The following HEPACAM2 variants were observed in gnomAD, a reference collection of about 807,000 sequenced individuals.
HEPACAM2 encodes the protein HEPACAM family member 2.
A neutral mutation model predicts 49.6 loss-of-function variants in HEPACAM2; 49 were observed. The observed-to-expected ratio is 0.99, with a 90% CI of 0.78 to 1.25. The LOEUF (loss-of-function observed/expected upper bound fraction) is 1.25, where lower values mean the gene tolerates loss of function less well. HEPACAM2 is among the 50% of genes most tolerant of loss of function. The pLI, the probability that HEPACAM2 is intolerant of heterozygous loss-of-function variation, is 0.00. For missense variants in HEPACAM2, 525 were observed against 557.2 expected (o/e 0.94, Z 0.58); for synonymous variants, 197 against 202.9 (o/e 0.97, Z 0.25).
At chr7:93,218,968 T>G (rs144171171) in intron 2 of HEPACAM2, 133 bp downstream of exon 2, 10 of 674,668 alleles carry the variant, frequency 1.5e-5, no homozygotes, top group African/African-American at 1.3e-4. Context: ...CCATGAGATA[T>G]TGAGGCTTTG....
At chr7:93,194,363 T>G (rs1271241002) in intron 8 of HEPACAM2, among the ~76,000 whole-genome samples, 1 of 152,214 alleles carries the variant, frequency 6.6e-6, no homozygotes, top group Non-Finnish European at 1.5e-5. Context: ...TTCAGTTTCC[T>G]GCTCTCCAAT....
At chr7:93,218,718 T>G (rs866599632) in intron 2 of HEPACAM2, among the ~76,000 whole-genome samples, 2 of 152,120 alleles carry the variant, frequency 1.3e-5, no homozygotes, top group Non-Finnish European at 2.9e-5. Context: ...TTCCAAACAG[T>G]GTACTGAAAC....
rs1010529785 is a variant in HEPACAM2 at position 93,188,745 on chromosome 7, C to A, written c.*522G>T. 1.2e-5 allele frequency: 4 copies of A among 328,338 alleles called. No homozygotes were observed. The highest frequency in any genetic ancestry group is 4.8e-5 in the Admixed American group (1 of 20,720). 20.3% of individuals were successfully genotyped at this position (328,338 alleles called of 1,614,324 possible). A position where few individuals can be genotyped will look rare whatever the true frequency, so the allele number is the denominator to read the frequency against. On this transcript the variant is annotated 3_prime_UTR_variant, in exon 10 of 10. Transcript: ENST00000394468. ...GGCATAGTTTTGTTTTTGTGACAAC[C>A]ATCCTTATTACTTTGTTGTACAAAT...
Position 93,217,536 on chromosome 7 carries a change from T to TC in HEPACAM2, c.430+1564dup, listed in dbSNP as rs60135628. On this transcript the variant is annotated intron_variant, in intron 2 of 9. Transcript: ENST00000394468. ...TCCCTTTAGATCTCTCTTTTCTTTT[T>TC]CCCCACAGTTGCTCTCTAGGCATTT... Among the ~76,000 whole-genome samples, 639 of 152,292 alleles carry TC rather than the reference T, an allele frequency of 4.2e-3. 4 individuals carry two copies. Among genetic ancestry groups the TC allele is most frequent in the African/African-American group, 0.015 (613 of 41,556 alleles).
At chr7:93,200,922 C>T (rs1013682379) in intron 4 of HEPACAM2, among the ~76,000 whole-genome samples, 1 of 152,100 alleles carries the variant, frequency 6.6e-6, no homozygotes, top group Non-Finnish European at 1.5e-5. Flanking sequence ...GGTACCATCC[C>T]ATTTCAGGGC....
At chr7:93,191,693 G>C (rs997361370) in intron 9 of HEPACAM2, among the ~76,000 whole-genome samples, 1 of 152,066 alleles carries the variant, frequency 6.6e-6, no homozygotes, top group East Asian at 1.9e-4. Context: ...GGATAAATAG[G>C]TTCCCAGCTT....
chr7:93,217,629 C>T (rs1033688447), intron 2 of HEPACAM2, among the ~76,000 whole-genome samples: 2 of 152,116 alleles, frequency 1.3e-5, no homozygotes, highest in Non-Finnish European at 2.9e-5. Context: ...CTCATTTATT[C>T]CACAGATAGT....
intron 2 of HEPACAM2, among the ~76,000 whole-genome samples, chr7:93,218,380 A>G (rs1305603404): frequency 2.0e-5 from 3 of 152,084 alleles, no homozygotes; most frequent in Non-Finnish European, 4.4e-5. Flanking sequence ...GATTTTGTCT[A>G]TATTTTCAAG....
intron 3 of HEPACAM2, among the ~76,000 whole-genome samples, chr7:93,212,874 A>C (rs932071859): frequency 6.6e-6 from 1 of 152,116 alleles, no homozygotes; most frequent in African/African-American, 2.4e-5. Context: ...GACCTCTGAT[A>C]CTGAAGATGA....
At chr7:93,225,912 G>A in intron 1 of HEPACAM2, 1 of 1,434,884 alleles carries the variant, frequency 7.0e-7, no homozygotes, top group Non-Finnish European at 9.3e-7. Context: ...AGATGAGACA[G>A]ATAACTTAAA....
chr7:93,204,179 A>G (rs1011660349), intron 4 of HEPACAM2, among the ~76,000 whole-genome samples: 2 of 152,188 alleles, frequency 1.3e-5, no homozygotes, highest in Admixed American at 6.5e-5. Context: ...TCTCAGGATC[A>G]CGTACAAATT....
intron 8 of HEPACAM2, among the ~76,000 whole-genome samples, chr7:93,195,220 G>A (rs753695207): frequency 3.3e-5 from 5 of 151,968 alleles, no homozygotes; most frequent in South Asian, 2.1e-4. Context: ...CTCCTGATCC[G>A]CTGTTTATTC....
At chr7:93,198,664 GTC>G (rs2116645372) in intron 4 of HEPACAM2, among the ~76,000 whole-genome samples, 1 of 152,186 alleles carries the variant, frequency 6.6e-6, no homozygotes, top group East Asian at 1.9e-4. Flanking sequence ...GCAGTTGCTT[GTC>G]TCTGTCCAGA....
intron 3 of HEPACAM2, among the ~76,000 whole-genome samples, chr7:93,209,778 T>G (rs1794132475): frequency 6.6e-6 from 1 of 151,962 alleles, no homozygotes; most frequent in Non-Finnish European, 1.5e-5. Context: ...TTATCTATTT[T>G]TCTTCTCAGT....
In HEPACAM2 at chr7:93,197,512, G is replaced by C; in HGVS notation, c.1111C>G (p.Leu371Val). 1 of 1,592,616 alleles carries C rather than the reference G, an allele frequency of 6.3e-7. No homozygotes were observed. The highest frequency in any genetic ancestry group is 8.6e-7 in the Non-Finnish European group (1 of 1,166,428). Residue 371 changes from leucine (L) to valine (V), a missense_variant, in exon 5 of 10, where the codon CTA (leucine) becomes GTA (valine). By Grantham distance (32) the Leu-to-Val change is conservative. Coordinates refer to ENST00000394468, the MANE Select transcript of HEPACAM2 (RefSeq NM_001039372.4). Reference protein sequence around the residue: ...FLIISMCLLFLWKKYQPYKVI... With the variant: ...FLIISMCLLFVWKKYQPYKVI... ...TTGTAGGGTTGATATTTTTTCCATA[G>C]GAAGAGAAGACACATGGATATAATC...
intron 1 of HEPACAM2, 54 bp downstream of exon 1, chr7:93,226,313 AT>A: frequency 7.8e-7 from 1 of 1,277,400 alleles, no homozygotes. Flanking sequence ...TATGTCCACA[AT>A]TAAAAAAAAA....
rs1189584545 is a variant in HEPACAM2, at chr7:93,208,802, C to T, written c.790G>A (p.Glu264Lys). ...GCAGAACAATCAAATAGGATGGCCT[C>T]TCCAAGGTCAACAGTAAACACTTCC... ...VGEVFTVDLG[E>K]AILFDCSADS... Residue 264 changes from glutamate to lysine, a missense_variant, in exon 4 of 10, where the codon GAG becomes AAG. Coordinates refer to ENST00000394468, the MANE Select transcript of HEPACAM2 (RefSeq NM_001039372.4). The T allele has an allele frequency of 1.2e-6, 2 of 1,612,860 alleles. No homozygotes were observed. The highest frequency in any genetic ancestry group is 1.3e-5 in the African/African-American group (1 of 74,824).
In HEPACAM2 at chr7:93,208,580, C is replaced by T; in HGVS notation, c.1012G>A (p.Gly338Arg). 1 of 1,611,116 alleles carries T rather than the reference C, an allele frequency of 6.2e-7. No individual in the cohort carries two copies. Among genetic ancestry groups the T allele is most frequent in the Non-Finnish European group, 8.5e-7 (1 of 1,178,240 alleles). ...TCCCTTCCTTGTATGTCACACATAC[C>T]TACGGAAGTGATGATAACTGTGAAA... ...THFTVIITSV[G>R]LEKLAQKGKS... is the part of the protein sequence containing the mutation. The change falls in exon 4 of 10, where the codon GGA (glycine) becomes AGA (arginine). Residue 338 changes from glycine to arginine, a missense_variant and splice_region_variant. Gly to Arg is a moderately radical substitution (Grantham distance 125, BLOSUM62 -2). Transcript: ENST00000394468.
intron 4 of HEPACAM2, 49 bp downstream of exon 4, chr7:93,208,531 G>T: frequency 1.4e-6 from 2 of 1,471,170 alleles, no homozygotes; most frequent in Non-Finnish European, 1.9e-6. Flanking sequence ...TGCAAGGCCA[G>T]CATGCATTCA....
Sources: allele counts gnomAD v4.1 joint callset (sites outside exome capture counted in the v4.1 genomes callset), GRCh38; gene constraint gnomAD v4.1.1; transcripts MANE v1.5; gene names NCBI Gene and HGNC (gene_info 2026-07-23, HGNC 2026-07-21).